COL15A1: variants seen among roughly 807,000 people sequenced by gnomAD.
The protein encoded by COL15A1 is collagen alpha-1(XV) chain.
COL15A1 carries 111 observed loss-of-function variants against 165.9 expected under a neutral mutation model. The ratio of observed to expected loss-of-function variants is 0.67; its 90% CI spans 0.57 to 0.78. The LOEUF (loss-of-function observed/expected upper bound fraction) is 0.78, where lower values mean the gene tolerates loss of function less well. Among genes scored for constraint, COL15A1 ranks in the 30% least tolerant of loss-of-function variants. The pLI is 0.00. For missense variants in COL15A1, 1,745 were observed against 1,789.7 expected, an observed-to-expected ratio of 0.98 and a Z score of 0.45; for synonymous variants, 659 against 674.8, an observed-to-expected ratio of 0.98 and a Z score of 0.36.
intron 2 of COL15A1, among the ~76,000 whole-genome samples, chr9:98,954,085 G>C (rs1837735940): frequency 6.6e-6 from 1 of 152,216 alleles, no homozygotes; most frequent in Admixed American, 6.5e-5. Flanking sequence ...TGGCTTGCAT[G>C]CTAAGGAGCT....
In COL15A1 at chr9:99,060,258, T is replaced by A. The variant is rs139282864; in HGVS notation, c.3402+305T>A. Among the ~76,000 whole-genome samples, 1,185 of 139,268 alleles carry A rather than the reference T, an allele frequency of 8.5e-3. 4 individuals are homozygous for A. Among genetic ancestry groups the A allele is most frequent in the South Asian group, 0.017 (75 of 4,474 alleles). 91.4% of individuals were successfully genotyped at this position (139,268 alleles called of 152,430 possible). ...TTTATATATATATATATATATATAT[T>A]TTTTTTTTGCTGGATGAGGGGTGGA... On this transcript the variant is annotated intron_variant, in intron 36 of 41. Transcript: ENST00000375001.
intron 14 of COL15A1, among the ~76,000 whole-genome samples, chr9:99,024,114 A>C (rs186074799): frequency 1.4e-4 from 21 of 152,024 alleles, no homozygotes; most frequent in Admixed American, 1.2e-3. Context: ...CCCACTCCTC[A>C]TGGCCAGGGC....
In COL15A1 at chr9:99,000,775, T is replaced by TA. The variant is rs1488580786; in HGVS notation, c.953-63dup. The TA allele has an allele frequency of 1.5e-5, 12 of 809,676 alleles. No individual in the cohort carries two copies. The Admixed American group carries it at 2.1e-4, about 14-fold the overall frequency. 50.2% of individuals were successfully genotyped at this position (809,676 alleles called of 1,614,324 possible). ...CTTTCCAAGTTAGCTGGTGAAGAGA[T>TA]ACCTCATTCTTTTCCAAGACTGCAA... On this transcript the variant is annotated intron_variant, in intron 6 of 41. Coordinates refer to ENST00000375001, the MANE Select transcript of COL15A1 (RefSeq NM_001855.5).
At chr9:99,051,154 A>C (rs139333245) in intron 30 of COL15A1, among the ~76,000 whole-genome samples, 49 of 152,348 alleles carry the variant, frequency 3.2e-4, no homozygotes, top group African/African-American at 1.1e-3. Context: ...CAGGTCACAC[A>C]GTGAGTCAGT....
chr9:99,003,618 A>C (rs1195562019), intron 8 of COL15A1, 31 bp downstream of exon 8: 1 of 1,447,570 alleles, frequency 6.9e-7, no homozygotes, highest in African/African-American at 1.4e-5. Flanking sequence ...GCTCCCCTTC[A>C]CCTGTGTCTG....
intron 21 of COL15A1, among the ~76,000 whole-genome samples, chr9:99,037,229 G>A (rs117200280): frequency 0.017 from 2,595 of 152,268 alleles, 34 homozygotes; most frequent in Non-Finnish European, 0.027. Flanking sequence ...TTACATGTCT[G>A]ACTCCTCCAC....
chr9:99,033,338 C>T (rs570696749), intron 16 of COL15A1, among the ~76,000 whole-genome samples: 1 of 145,430 alleles, frequency 6.9e-6, no homozygotes, highest in Non-Finnish European at 1.5e-5. Flanking sequence ...CAATAAACAA[C>T]TGTTGTTTTC....
In COL15A1 at chr9:99,036,144, A is replaced by C. The variant is rs149953499; in HGVS notation, c.2290-26A>C. 114 of 1,591,548 alleles carry C rather than the reference A, an allele frequency of 7.2e-5. No homozygotes were observed. The East Asian group carries it at 2.5e-3, about 34-fold the overall frequency. ...GGAGGTGAGCAAAGTGACTAGAAGA[A>C]TATTTATTTTTGTTTATTTTTCCAG... On this transcript the variant is annotated intron_variant, in intron 19 of 41. Coordinates refer to ENST00000375001, the MANE Select transcript of COL15A1 (RefSeq NM_001855.5).
chr9:99,060,002 T>C (rs1458101249), intron 36 of COL15A1, 49 bp downstream of exon 36: 5 of 1,590,296 alleles, frequency 3.1e-6, no homozygotes, highest in South Asian at 1.1e-5. Flanking sequence ...GGGATAGATA[T>C]ACTTAAAACT....
In COL15A1 at chr9:99,056,289, C is replaced by G. The variant is rs754973020; in HGVS notation, c.3222C>G (p.Pro1074=). The part of the protein sequence containing the change: ...AGQKGETVVG[P]QGPPGAPGLP... ...AAAAAGGGGAGACAGTCGTTGGGCC[C>G]CAAGGACCCCCAGGTGCTCCTGGTC... The change falls in exon 35 of 42, where the codon CCC becomes CCG. Residue 1074 remains proline, a synonymous_variant. Coordinates refer to ENST00000375001, the MANE Select transcript of COL15A1 (RefSeq NM_001855.5). 6.2e-7 allele frequency: 1 copy of G among 1,614,178 alleles called. No individual in the cohort carries two copies. Among genetic ancestry groups the G allele is most frequent in the South Asian group, 1.1e-5 (1 of 91,084 alleles).
rs763743004 is a variant in COL15A1 at position 99,004,867 on chromosome 9, C to T, written c.1201-31C>T. 2.9e-5 allele frequency: 46 copies of T among 1,613,486 alleles called. No individual in the cohort carries two copies. The South Asian group carries it at 4.6e-4, about 16-fold the overall frequency. ...TGTGGTGGATCAGCATCATGGGGCA[C>T]TGACGCGGTTCCTGTTGACTTTCTA... On this transcript the variant is annotated intron_variant, in intron 8 of 41. Transcript: ENST00000375001.
intron 5 of COL15A1, 132 bp downstream of exon 5, chr9:98,989,390 G>A (rs142671851): frequency 1.4e-6 from 1 of 699,902 alleles, no homozygotes; most frequent in South Asian, 1.9e-5. Context: ...TGACTCATCT[G>A]GGGGGGTCAG....
intron 4 of COL15A1, among the ~76,000 whole-genome samples, chr9:98,988,305 T>C (rs1838352453): frequency 1.3e-5 from 2 of 152,210 alleles, no homozygotes; most frequent in South Asian, 4.1e-4. Flanking sequence ...CATGTGATGC[T>C]GATCAGTGTA....
chr9:98,999,031 C>T (rs917042704), intron 6 of COL15A1, among the ~76,000 whole-genome samples: 1 of 152,240 alleles, frequency 6.6e-6, no homozygotes, highest in Non-Finnish European at 1.5e-5. Context: ...CAATCGGCTG[C>T]TTGCACGGCA....
intron 4 of COL15A1, 145 bp downstream of exon 4, chr9:98,987,513 G>A: frequency 1.5e-6 from 1 of 667,304 alleles, no homozygotes; most frequent in Non-Finnish European, 2.5e-6. Flanking sequence ...TGGGCTTTTG[G>A]CGTGATTTCA....
Position 98,989,173 on chromosome 9 carries a change from C to A in COL15A1, c.724-5C>A. 1 of 1,613,348 alleles carries A rather than the reference C, an allele frequency of 6.2e-7. No individual in the cohort carries two copies. Among genetic ancestry groups the A allele is most frequent in the South Asian group, 1.1e-5 (1 of 91,062 alleles). On this transcript the variant is annotated splice_region_variant and splice_polypyrimidine_tract_variant and intron_variant, in intron 4 of 41. Coordinates refer to ENST00000375001, the MANE Select transcript of COL15A1 (RefSeq NM_001855.5). The stretch of plus-strand genomic sequence containing the variant: ...CGGTGTGTGGCACAGTTTGTCTCCA[C>A]ACAGGCATCTGGAGAGACCAGTGGG...
At chr9:99,026,361 G>A (rs889175570) in intron 16 of COL15A1, among the ~76,000 whole-genome samples, 4 of 152,122 alleles carry the variant, frequency 2.6e-5, no homozygotes, top group South Asian at 2.1e-4. Context: ...TCATTCGCAC[G>A]GTGGCCTTGG....
At chr9:98,987,697 A>G (rs1433941649) in intron 4 of COL15A1, among the ~76,000 whole-genome samples, 4 of 152,230 alleles carry the variant, frequency 2.6e-5, no homozygotes, top group African/African-American at 9.6e-5. Context: ...GTAAATTCCT[A>G]TAAAAAACGA....
At chr9:98,952,548 T>C (rs1247212551) in intron 2 of COL15A1, among the ~76,000 whole-genome samples, 1 of 152,204 alleles carries the variant, frequency 6.6e-6, no homozygotes, top group Non-Finnish European at 1.5e-5. Flanking sequence ...AAATGAACCA[T>C]AGATTAGGAT....
Sources: allele counts gnomAD v4.1 joint callset (sites outside exome capture counted in the v4.1 genomes callset), GRCh38; gene constraint gnomAD v4.1.1; transcripts MANE v1.5; gene names NCBI Gene and HGNC (gene_info 2026-07-23, HGNC 2026-07-21).